Variants in LIPA observed in about 807,000 individuals in gnomAD.
The protein encoded by LIPA is lysosomal acid lipase/cholesteryl ester hydrolase.
A neutral mutation model predicts 40.6 loss-of-function variants in LIPA; 26 were observed. The ratio of observed to expected loss-of-function variants is 0.64; its 90% CI spans 0.47 to 0.89. LIPA has a LOEUF of 0.89. LIPA is among the 40% of genes least tolerant of loss of function. The probability of loss-of-function intolerance (pLI) is 0.00; values close to 1 mark genes in which losing one functional copy is unlikely to be tolerated. For synonymous variants in LIPA, 188 were observed against 168.4 expected, an observed-to-expected ratio of 1.12 and a Z score of -0.90; for missense variants, 455 against 479.6, an observed-to-expected ratio of 0.95 and a Z score of 0.48.
chr10:89,281,717 A>G (rs927183258), intron 1 of LIPA, among the ~76,000 whole-genome samples: 1 of 152,236 alleles, frequency 6.6e-6, no homozygotes, highest in Non-Finnish European at 1.5e-5. Context: ...GTTTGTGAAA[A>G]CATCTCAGTT....
intron 1 of LIPA, chr10:89,335,197 T>C (rs1195850627): frequency 6.6e-6 from 1 of 152,052 alleles, no homozygotes; most frequent in Non-Finnish European, 1.5e-5. Context: ...TTTCAGTGGG[T>C]TTTATAATCA....
intron 2 of LIPA, chr10:89,393,111 T>C (rs1256159089): frequency 2.0e-5 from 26 of 1,295,640 alleles, no homozygotes; most frequent in Non-Finnish European, 2.6e-5. Flanking sequence ...CTGCAGGTTC[T>C]TTACCACAGA....
intron 1 of LIPA, among the ~76,000 whole-genome samples, chr10:89,293,956 A>G (rs1843393856): frequency 6.6e-6 from 1 of 152,230 alleles, no homozygotes; most frequent in South Asian, 2.1e-4. Flanking sequence ...TTCCTGATAG[A>G]ATATAAGCTC....
At position 89,412,433 on chromosome 10, in the gene LIPA, A is replaced by G. The variant is rs546716840; in HGVS notation, c.61+358T>C. On this transcript the variant is annotated intron_variant, in intron 2 of 8. Coordinates refer to the LIPA transcript ENST00000371837. ...CAATCAGCACTTTGTAAAGTGGACC[A>G]ATCAGCTCTCTGTAAAATGGACCAA... 2.6e-5 allele frequency among the ~76,000 whole-genome samples: 4 copies of G among 152,314 alleles called. No individual in the cohort carries two copies. The East Asian group carries it at 5.8e-4, about 22-fold the overall frequency.
chr10:89,384,007 C>T lies in LIPA; in HGVS notation c.61+28784G>A, dbSNP rs760243271. 7.4e-6 allele frequency: 12 copies of T among 1,614,058 alleles called. No individual in the cohort carries two copies. In the East Asian group the frequency reaches 2.7e-4, roughly 36 times the overall value. On this transcript the variant is annotated intron_variant, in intron 2 of 8. Coordinates refer to the LIPA transcript ENST00000371837. ...TGCCCTGAAGCTTCAGGATGAAGGACAGGAAGCTGAAGGAGAAAAGTACAT... is the reference window on the plus strand; with the variant it reads ...TGCCCTGAAGCTTCAGGATGAAGGATAGGAAGCTGAAGGAGAAAAGTACAT...
At chr10:89,344,441 G>A (rs1484537202), upstream of LIPA, among the ~76,000 whole-genome samples, 3 of 152,166 alleles carry the variant, frequency 2.0e-5, no homozygotes, top group East Asian at 3.8e-4. Flanking sequence ...CCATTCAGAG[G>A]TTAAACTGGA....
chr10:89,223,943 C>G (rs1410253582), intron 6 of LIPA, 113 bp from the exon 7 acceptor site: 2 of 1,120,204 alleles, frequency 1.8e-6, no homozygotes, highest in Admixed American at 3.7e-5. Flanking sequence ...CGAATGGCCT[C>G]AGGAGAGAAT....
At chr10:89,407,457 T>A (rs1841431297) in intron 2 of LIPA, among the ~76,000 whole-genome samples, 1 of 152,196 alleles carries the variant, frequency 6.6e-6, no homozygotes, top group Non-Finnish European at 1.5e-5. Context: ...ACATAATTTT[T>A]GCCCAAAGCC....
chr10:89,257,997 G>C (rs1453616634), intron 1 of LIPA, among the ~76,000 whole-genome samples: 4 of 152,182 alleles, frequency 2.6e-5, no homozygotes, highest in African/African-American at 9.7e-5. Context: ...GCCAGAGTGG[G>C]AAAACATTGT....
At chr10:89,220,897 G>A (rs1272577063) in intron 8 of LIPA, among the ~76,000 whole-genome samples, 2 of 152,178 alleles carry the variant, frequency 1.3e-5, no homozygotes, top group Admixed American at 6.5e-5. Flanking sequence ...AAAAAGGAAT[G>A]AACTACTGAC....
At chr10:89,346,770 G>A (rs1589617791), upstream of LIPA, among the ~76,000 whole-genome samples, 4 of 152,228 alleles carry the variant, frequency 2.6e-5, no homozygotes, top group Admixed American at 6.5e-5. Context: ...ATGGACAGGT[G>A]TCCTAGGTAT....
chr10:89,304,203 G>C (rs1370800152), intron 1 of LIPA, among the ~76,000 whole-genome samples: 1 of 152,202 alleles, frequency 6.6e-6, no homozygotes, highest in Non-Finnish European at 1.5e-5. Flanking sequence ...TCCATTCAAA[G>C]CTCCAAATAG....
At chr10:89,323,590 C>A (rs2133533992) in intron 1 of LIPA, among the ~76,000 whole-genome samples, 1 of 152,184 alleles carries the variant, frequency 6.6e-6, no homozygotes, top group South Asian at 2.1e-4. Context: ...AGCAAAGTTC[C>A]AGGATACAAA....
chr10:89,318,858 A>ACT (rs1410915001), intron 1 of LIPA, among the ~76,000 whole-genome samples: 1 of 152,222 alleles, frequency 6.6e-6, no homozygotes, highest in African/African-American at 2.4e-5. Context: ...ATTATAACAA[A>ACT]CTGTCTCTCA....
intron 1 of LIPA, among the ~76,000 whole-genome samples, chr10:89,328,785 A>G (rs1249198495): frequency 6.6e-6 from 1 of 152,202 alleles, no homozygotes; most frequent in Non-Finnish European, 1.5e-5. Context: ...GACCTAATCT[A>G]TTATCTAAAA....
At chr10:89,332,058 C>G (rs915744043) in intron 1 of LIPA, among the ~76,000 whole-genome samples, 22 of 152,140 alleles carry the variant, frequency 1.4e-4, no homozygotes, top group African/African-American at 4.6e-4. Flanking sequence ...TGGTGAAACC[C>G]CGCCTCTACT....
intron 2 of LIPA, among the ~76,000 whole-genome samples, chr10:89,359,430 A>C (rs796320745): frequency 6.6e-6 from 1 of 152,224 alleles, no homozygotes; most frequent in Non-Finnish European, 1.5e-5. Context: ...TGTTAACTGC[A>C]TTCCTGGTCA....
At chr10:89,253,008 G>C (rs992399702), upstream of LIPA, among the ~76,000 whole-genome samples, 1 of 152,146 alleles carries the variant, frequency 6.6e-6, no homozygotes, top group African/African-American at 2.4e-5. Context: ...AGAGTGGTGA[G>C]GTCTTTGAGG....
At chr10:89,256,785 G>A (rs771601485) in intron 1 of LIPA, among the ~76,000 whole-genome samples, 14 of 152,202 alleles carry the variant, frequency 9.2e-5, no homozygotes, top group South Asian at 2.1e-4. Flanking sequence ...GTTGTCATCC[G>A]TGAGTGAATG....
Sources: allele counts gnomAD v4.1 joint callset (sites outside exome capture counted in the v4.1 genomes callset), GRCh38; gene constraint gnomAD v4.1.1; transcripts MANE v1.5; gene names NCBI Gene and HGNC (gene_info 2026-07-23, HGNC 2026-07-21).